DIS3L: variants seen among roughly 807,000 people sequenced by gnomAD.
DIS3L encodes DIS3 like exosome 3'-5' exoribonuclease.
Under a neutral mutation model 120.3 loss-of-function variants are expected in DIS3L, and 100 were observed. The ratio of observed to expected loss-of-function variants is 0.83; its 90% CI spans 0.71 to 0.98. DIS3L has a LOEUF of 0.98. DIS3L is among the 50% of genes least tolerant of loss of function. The pLI, the probability that DIS3L is intolerant of heterozygous loss-of-function variation, is 0.00. For missense variants in DIS3L, 1,196 were observed against 1,314.2 expected, an observed-to-expected ratio of 0.91 and a Z score of 1.39; for synonymous variants, 426 against 470.6, an observed-to-expected ratio of 0.91 and a Z score of 1.23.
chr15:66,318,322 G>T, intron 7 of DIS3L, 127 bp from the exon 8 acceptor site: 4 of 1,031,290 alleles, frequency 3.9e-6, no homozygotes, highest in Non-Finnish European at 5.6e-6. Context: ...CTTGAGTTGG[G>T]TGGATGTGCT....
Position 66,315,062 on chromosome 15 carries a change from G to A in DIS3L, c.841G>A (p.Gly281Arg), listed in dbSNP as rs149827639. The change falls in exon 7 of 17, where the codon GGG becomes AGG. Residue 281 changes from glycine to arginine, a missense_variant. Coordinates refer to ENST00000319212, the MANE Select transcript of DIS3L (RefSeq NM_001143688.3). ...TTTAGTCAGTGACATCCTAATCCAC[G>A]GGATGAAGGCTCGAAACCGCTCAAT... is the stretch of plus-strand genomic sequence containing the variant. ...SDLVSDILIHGMKARNRSIHG... is the reference protein window; with the variant it reads ...SDLVSDILIHRMKARNRSIHG... 1.1e-4 allele frequency: 172 copies of A among 1,613,858 alleles called. No individual in the cohort carries two copies. Among genetic ancestry groups the A allele is most frequent in the Non-Finnish European group, 1.1e-4 (128 of 1,179,946 alleles).
At position 66,322,887 on chromosome 15, in the gene DIS3L, A is replaced by C. The variant is rs2092900582; in HGVS notation, c.1527A>C (p.Thr509=). 1.9e-6 allele frequency: 3 copies of C among 1,614,066 alleles called. No individual in the cohort carries two copies. Among genetic ancestry groups the C allele is most frequent in the Admixed American group, 1.7e-5 (1 of 59,992 alleles). The stretch of plus-strand genomic sequence containing the variant: ...TTGGGGTCCACATCGCAGATGTAAC[A>C]CACTTTGTGGCACCAAATTCTTACA... The part of the protein sequence containing the change: ...LELGVHIADV[T]HFVAPNSYID... Residue 509 remains threonine, a synonymous_variant, in exon 10 of 17, where the codon ACA becomes ACC. Coordinates refer to ENST00000319212, the MANE Select transcript of DIS3L (RefSeq NM_001143688.3).
At position 66,329,573 on chromosome 15, in the gene DIS3L, G is replaced by A. The variant is rs535931724; in HGVS notation, c.2535+174G>A. The A allele has an allele frequency of 3.1e-6, 4 of 1,309,216 alleles. No individual in the cohort carries two copies. In the East Asian group the frequency reaches 1.2e-4, roughly 39 times the overall value. The allele number at this position is 1,309,216 out of a possible 1,614,324, so 81.1% of individuals were successfully genotyped here. ...TCTCAGGTAACTTGTGGATTTGGGA[G>A]ATTTGACGGTAGATTATCAGATTTT... On this transcript the variant is annotated intron_variant, in intron 14 of 16. Transcript: ENST00000319212.
intron 2 of DIS3L, 33 bp from the exon 3 acceptor site, chr15:66,306,791 T>G: frequency 1.9e-6 from 3 of 1,612,402 alleles, no homozygotes; most frequent in Non-Finnish European, 1.7e-6. Context: ...AGTACCTGCT[T>G]TGTTAGAGTT....
intron 11 of DIS3L, 78 bp from the exon 12 acceptor site, chr15:66,325,753 C>A: frequency 6.7e-7 from 1 of 1,483,262 alleles, no homozygotes. Flanking sequence ...AGAGCAAGAT[C>A]CTGTCTCAAA....
At chr15:66,302,118 G>A (rs1380611188) in intron 2 of DIS3L, among the ~76,000 whole-genome samples, 2 of 152,104 alleles carry the variant, frequency 1.3e-5, no homozygotes, top group East Asian at 1.9e-4. Context: ...CGCCCAGCAC[G>A]TTGGGAGGCC....
rs199511950 is a variant in DIS3L, at chr15:66,323,573, G to C, written c.1655G>C (p.Gly552Ala). 1.2e-6 allele frequency: 2 copies of C among 1,614,246 alleles called. No homozygotes were observed. Among genetic ancestry groups the C allele is most frequent in the East Asian group, 4.5e-5 (2 of 44,894 alleles). The change falls in exon 11 of 17, where the codon GGA (glycine) becomes GCA (alanine). Residue 552 changes from glycine to alanine, a missense_variant. Coordinates refer to ENST00000319212, the MANE Select transcript of DIS3L (RefSeq NM_001143688.3). Reference sequence around the variant, plus strand: ...AGTGCAGATTTGTGTTCCCTTCTGGGAGGCGTTGATAGGTGAGTTTATGGC... The same window carrying C: ...AGTGCAGATTTGTGTTCCCTTCTGGCAGGCGTTGATAGGTGAGTTTATGGC... ...VLSADLCSLL[G>A]GVDRYAVSIM...
At chr15:66,304,496 AT>A (rs2092682561) in intron 2 of DIS3L, among the ~76,000 whole-genome samples, 2 of 152,082 alleles carry the variant, frequency 1.3e-5, no homozygotes, top group South Asian at 4.1e-4. Context: ...TACTGATATA[AT>A]ATGTTCTACG....
At chr15:66,330,076 G>T in intron 14 of DIS3L, 1 of 982,472 alleles carries the variant, frequency 1.0e-6, no homozygotes, top group Non-Finnish European at 1.2e-6. Context: ...GCTGAGGCAG[G>T]TGGATCACGA....
intron 2 of DIS3L, among the ~76,000 whole-genome samples, chr15:66,304,410 G>C (rs2092681682): frequency 6.6e-6 from 1 of 152,110 alleles, no homozygotes; most frequent in Non-Finnish European, 1.5e-5. Flanking sequence ...CCATGATCGT[G>C]CCACTGCATT....
chr15:66,332,001 G>A lies in DIS3L; in HGVS notation c.2662G>A (p.Val888Met), dbSNP rs1317539760. ...TATTTATTCAATTAGAACAAATGGTGTGCTTCTATTTATACCAAGGTATGT... is the reference window on the plus strand; with the variant it reads ...TATTTATTCAATTAGAACAAATGGTATGCTTCTATTTATACCAAGGTATGT... ...GVIYSIRTNG[V>M]LLFIPRFGIK... The change falls in exon 15 of 17, where the codon GTG becomes ATG. Residue 888 changes from valine (V) to methionine (M), a missense_variant. Transcript: ENST00000319212. 2 of 1,610,204 alleles carry A rather than the reference G, an allele frequency of 1.2e-6. No homozygotes were observed. Among genetic ancestry groups the A allele is most frequent in the Non-Finnish European group, 1.7e-6 (2 of 1,179,138 alleles).
intron 8 of DIS3L, among the ~76,000 whole-genome samples, chr15:66,319,842 C>T (rs1386558228): frequency 6.6e-6 from 1 of 151,644 alleles, no homozygotes; most frequent in Non-Finnish European, 1.5e-5. Flanking sequence ...AGACCAGGCG[C>T]AGTGGCTCAT....
At chr15:66,294,375 C>G in intron 1 of DIS3L, 18 of 985,558 alleles carry the variant, frequency 1.8e-5, no homozygotes, top group Non-Finnish European at 2.2e-5. Context: ...GCTCTCTTCC[C>G]CCATGGGAGG....
chr15:66,326,743 C>A (rs1388155720), intron 12 of DIS3L, among the ~76,000 whole-genome samples: 1 of 151,958 alleles, frequency 6.6e-6, no homozygotes, highest in Non-Finnish European at 1.5e-5. Context: ...CCATGCCTGG[C>A]TAATTTTTTT....
rs1162086371 is a variant in DIS3L at position 66,318,618 on chromosome 15, G to A, written c.1164G>A (p.Gln388=). ...RISTQQAETL[Q]DFRVVVRIDS... Reference sequence around the variant, plus strand: ...GCACTCAGCAAGCAGAAACCCTCCAGGTAGTTGGCATTCTACCTCTACTAT... The same window carrying A: ...GCACTCAGCAAGCAGAAACCCTCCAAGTAGTTGGCATTCTACCTCTACTAT... Residue 388 remains glutamine (Q), a splice_region_variant and synonymous_variant, in exon 8 of 17, where the codon CAG becomes CAA. Transcript: ENST00000319212. The A allele has an allele frequency of 6.2e-7, 1 of 1,613,618 alleles. No individual in the cohort carries two copies. The highest frequency in any genetic ancestry group is 1.7e-5 in the Admixed American group (1 of 59,950).
chr15:66,323,168 G>GT (rs2092903152), intron 10 of DIS3L, among the ~76,000 whole-genome samples: 1 of 152,088 alleles, frequency 6.6e-6, no homozygotes, highest in Non-Finnish European at 1.5e-5. Flanking sequence ...AAATCGAAAT[G>GT]GGTTAAATTT....
chr15:66,309,574 A>G (rs1409159924), intron 4 of DIS3L, among the ~76,000 whole-genome samples: 1 of 152,052 alleles, frequency 6.6e-6, no homozygotes, highest in Admixed American at 6.6e-5. Context: ...CAACAACCCT[A>G]TGAGGTAGGT....
chr15:66,318,387 T>A lies in DIS3L; in HGVS notation c.995-62T>A. 1.9e-6 allele frequency: 3 copies of A among 1,554,132 alleles called. No individual in the cohort carries two copies. In the South Asian group the frequency reaches 3.6e-5, roughly 19 times the overall value. ...TTCTTTTCCTTACTGCTTGAGGTGG[T>A]CAGAGTCCAGATAGATGGCACCTAA... On this transcript the variant is annotated intron_variant, in intron 7 of 16. Transcript: ENST00000319212.
At chr15:66,317,937 CCTTTT>C (rs2092837353) in intron 7 of DIS3L, among the ~76,000 whole-genome samples, 1 of 151,634 alleles carries the variant, frequency 6.6e-6, no homozygotes, top group Admixed American at 6.6e-5. Flanking sequence ...TTCAAACATA[CCTTTT>C]CTTGTTGTTG....
Sources: allele counts gnomAD v4.1 joint callset (sites outside exome capture counted in the v4.1 genomes callset), GRCh38; gene constraint gnomAD v4.1.1; transcripts MANE v1.5; gene names NCBI Gene and HGNC (gene_info 2026-07-23, HGNC 2026-07-21).